Variants in AGBL4 observed in about 807,000 individuals in gnomAD.
The protein encoded by AGBL4 is AGBL carboxypeptidase 4, also known as cytosolic carboxypeptidase 6.
A neutral mutation model predicts 66.4 loss-of-function variants in AGBL4; 58 were observed. The ratio of observed to expected loss-of-function variants is 0.87; its 90% confidence interval spans 0.71 to 1.09. The LOEUF is 1.09. Ranked by LOEUF, AGBL4 falls within the 50% of genes least tolerant of loss-of-function variation. The pLI is 0.00. For synonymous variants in AGBL4, 234 were observed against 222.9 expected (o/e 1.05, Z -0.44); for missense variants, 579 against 631.0 (o/e 0.92, Z 0.88).
intron 4 of AGBL4, among the ~76,000 whole-genome samples, chr1:49,223,943 T>C (rs1247006942): frequency 6.6e-6 from 1 of 152,216 alleles, no homozygotes; most frequent in Non-Finnish European, 1.5e-5. Flanking sequence ...GATGACGATC[T>C]TTCTCTAGCT....
chr1:49,317,737 G>A (rs911935013), intron 3 of AGBL4, among the ~76,000 whole-genome samples: 8 of 151,950 alleles, frequency 5.3e-5, no homozygotes, highest in Non-Finnish European at 8.8e-5. Context: ...ACAGTGATAA[G>A]TAAGAGGAGA....
At chr1:49,801,885 T>A (rs890989013) in intron 2 of AGBL4, among the ~76,000 whole-genome samples, 2 of 152,364 alleles carry the variant, frequency 1.3e-5, no homozygotes, top group South Asian at 4.1e-4. Flanking sequence ...TGTTATGGTG[T>A]CATCCTTCTG....
At chr1:49,810,695 A>G (rs930932282) in intron 2 of AGBL4, among the ~76,000 whole-genome samples, 23 of 152,284 alleles carry the variant, frequency 1.5e-4, no homozygotes, top group Admixed American at 7.2e-4. Context: ...GGAAGAATAG[A>G]AAGATAGGTT....
intron 4 of AGBL4, among the ~76,000 whole-genome samples, chr1:49,144,892 G>A (rs1646187337): frequency 1.3e-5 from 2 of 152,064 alleles, no homozygotes; most frequent in Non-Finnish European, 2.9e-5. Context: ...CAAAGGCAAT[G>A]GGGTTGGTGG....
intron 3 of AGBL4, among the ~76,000 whole-genome samples, chr1:49,306,829 ATGT>A (rs891916035): frequency 6.6e-6 from 1 of 152,310 alleles, no homozygotes; most frequent in Non-Finnish European, 1.5e-5. Context: ...CTTTGAGAAC[ATGT>A]TGTCTCTGGT....
chr1:49,339,251 T>G (rs1429239749), intron 3 of AGBL4, among the ~76,000 whole-genome samples: 1 of 152,200 alleles, frequency 6.6e-6, no homozygotes, highest in Non-Finnish European at 1.5e-5. Flanking sequence ...TTCAGTAAAC[T>G]GCAGAACATT....
At chr1:49,321,004 C>T (rs530372247) in intron 3 of AGBL4, among the ~76,000 whole-genome samples, 105 of 152,154 alleles carry the variant, frequency 6.9e-4, no homozygotes, top group African/African-American at 2.4e-3. Context: ...GGGAAACAGC[C>T]CTCATGTTCC....
intron 6 of AGBL4, among the ~76,000 whole-genome samples, chr1:48,792,565 G>A (rs1411844498): frequency 6.6e-6 from 1 of 152,174 alleles, no homozygotes; most frequent in East Asian, 1.9e-4. Flanking sequence ...TATTCATGGA[G>A]GTATGTGTAA....
chr1:48,630,747 A>C (rs904623449), intron 9 of AGBL4, among the ~76,000 whole-genome samples: 1 of 152,144 alleles, frequency 6.6e-6, no homozygotes, highest in Admixed American at 6.5e-5. Flanking sequence ...ATTCCCATGA[A>C]AGTAAAGTCC....
intron 6 of AGBL4, among the ~76,000 whole-genome samples, chr1:48,840,437 T>C (rs1646773107): frequency 6.6e-6 from 1 of 152,174 alleles, no homozygotes; most frequent in South Asian, 2.1e-4. Context: ...GGTTGTAAAG[T>C]TTAAATGACT....
intron 3 of AGBL4, among the ~76,000 whole-genome samples, chr1:49,547,157 T>C (rs1187492340): frequency 6.6e-6 from 1 of 152,262 alleles, no homozygotes; most frequent in African/African-American, 2.4e-5. Flanking sequence ...TAATCCTTAA[T>C]CCATCTTGTG....
intron 6 of AGBL4, among the ~76,000 whole-genome samples, chr1:48,669,183 C>G (rs921235192): frequency 3.3e-5 from 5 of 152,226 alleles, no homozygotes; most frequent in Admixed American, 6.5e-5. Flanking sequence ...ATTTATCCAC[C>G]TTGAGCCTCA....
At chr1:48,697,859 C>A (rs1382806456) in intron 6 of AGBL4, among the ~76,000 whole-genome samples, 2 of 152,188 alleles carry the variant, frequency 1.3e-5, no homozygotes, top group African/African-American at 2.4e-5. Context: ...GGCTAACTTC[C>A]TGGTGGTTTA....
intron 6 of AGBL4, among the ~76,000 whole-genome samples, chr1:48,847,452 A>G (rs1646946320): frequency 6.6e-6 from 1 of 151,510 alleles, no homozygotes. Context: ...GCCACTTATG[A>G]TCCTGAGTGA....
rs182282701 is a variant in AGBL4 at position 49,823,661 on chromosome 1, T to A, written c.157+27735A>T. 5.4e-3 allele frequency among the ~76,000 whole-genome samples: 829 copies of A among 152,206 alleles called. 8 individuals carry two copies. Among genetic ancestry groups the A allele is most frequent in the Non-Finnish European group, 6.8e-3 (460 of 67,994 alleles). ...AGATTTTGAAATGGGTAGGGAATCA[T>A]CCAGAAACATGGTAAAGCAGCCATA... is the stretch of plus-strand genomic sequence containing the variant. On this transcript the variant is annotated intron_variant, in intron 2 of 13. Transcript: ENST00000371839.
chr1:49,067,507 G>A (rs745525378), intron 4 of AGBL4, among the ~76,000 whole-genome samples: 6 of 152,012 alleles, frequency 3.9e-5, no homozygotes, highest in Admixed American at 2.6e-4. Context: ...CTATTCTATT[G>A]CCTTTCCATT....
intron 6 of AGBL4, among the ~76,000 whole-genome samples, chr1:48,710,807 A>G (rs1205605043): frequency 6.6e-6 from 1 of 152,160 alleles, no homozygotes; most frequent in Non-Finnish European, 1.5e-5. Flanking sequence ...ACCCCATTAC[A>G]GATTTTACAA....
chr1:49,329,820 C>A (rs1042172096), intron 3 of AGBL4, among the ~76,000 whole-genome samples: 1 of 152,168 alleles, frequency 6.6e-6, no homozygotes, highest in Admixed American at 6.5e-5. Context: ...AATATACTGA[C>A]AGTTGGAATG....
At chr1:49,724,956 G>T (rs897791121) in intron 2 of AGBL4, among the ~76,000 whole-genome samples, 2 of 151,496 alleles carry the variant, frequency 1.3e-5, no homozygotes, top group Non-Finnish European at 2.9e-5. Flanking sequence ...TGTTATGACA[G>T]CCCAAGTGGA....
Sources: allele counts gnomAD v4.1 joint callset (sites outside exome capture counted in the v4.1 genomes callset), GRCh38; gene constraint gnomAD v4.1.1; transcripts MANE v1.5; gene names NCBI Gene and HGNC (gene_info 2026-07-23, HGNC 2026-07-21).